Variants in ABCC9 observed in about 807,000 individuals in gnomAD.
The protein encoded by ABCC9 is ATP binding cassette subfamily C member 9, also known as ATP-binding cassette sub-family C member 9.
ABCC9 carries 95 observed loss-of-function variants against 188.3 expected under a neutral mutation model. The ratio of observed to expected loss-of-function variants is 0.50; its 90% CI spans 0.43 to 0.60. The LOEUF (loss-of-function observed/expected upper bound fraction) is 0.60. Among genes scored for constraint, ABCC9 ranks in the 20% least tolerant of loss-of-function variants. The pLI is 0.00. For synonymous variants in ABCC9, 659 were observed against 652.7 expected (o/e 1.01, Z -0.15); for missense variants, 1,102 against 1,876.3 (o/e 0.59, Z 7.62).
At chr12:21,887,528 G>C (rs1228300086) in intron 15 of ABCC9, among the ~76,000 whole-genome samples, 1 of 152,158 alleles carries the variant, frequency 6.6e-6, no homozygotes, top group Middle Eastern at 3.2e-3. Flanking sequence ...TGGTGCATGA[G>C]TAAGCTTATT....
intron 21 of ABCC9, among the ~76,000 whole-genome samples, chr12:21,860,005 A>T (rs1277932935): frequency 6.6e-6 from 1 of 152,172 alleles, no homozygotes; most frequent in Non-Finnish European, 1.5e-5. Flanking sequence ...AGTTTACTTA[A>T]CATACAACCC....
chr12:21,939,913 A>G (rs1036191948), intron 2 of ABCC9, among the ~76,000 whole-genome samples: 1 of 152,228 alleles, frequency 6.6e-6, no homozygotes, highest in Admixed American at 6.5e-5. Context: ...CTCGAAATGC[A>G]TTACATGAAA....
chr12:21,863,746 A>G (rs1490942935), intron 19 of ABCC9, among the ~76,000 whole-genome samples: 2 of 152,158 alleles, frequency 1.3e-5, no homozygotes, highest in African/African-American at 4.8e-5. Context: ...GCTGAAGAGA[A>G]TGATGGGAAG....
intron 15 of ABCC9, among the ~76,000 whole-genome samples, chr12:21,886,852 T>A (rs1426285161): frequency 6.6e-6 from 1 of 152,144 alleles, no homozygotes; most frequent in Non-Finnish European, 1.5e-5. Context: ...TGGAATGCTC[T>A]TTTCCCATAA....
intron 39 of ABCC9, among the ~76,000 whole-genome samples, chr12:21,801,527 C>A (rs1941430658): frequency 6.6e-6 from 1 of 152,132 alleles, no homozygotes; most frequent in Non-Finnish European, 1.5e-5. Flanking sequence ...TTGGGTTATA[C>A]TTTAATGTCA....
At chr12:21,930,179 T>A (rs1219627058) in intron 4 of ABCC9, among the ~76,000 whole-genome samples, 1 of 152,148 alleles carries the variant, frequency 6.6e-6, no homozygotes, top group Non-Finnish European at 1.5e-5. Context: ...TATGGCTGCA[T>A]AGTATTCCAT....
At chr12:21,854,715 GA>G (rs1390202995) in intron 22 of ABCC9, among the ~76,000 whole-genome samples, 1 of 151,826 alleles carries the variant, frequency 6.6e-6, no homozygotes, top group African/African-American at 2.4e-5. Context: ...TTAATAACAA[GA>G]AAAAAATATT....
rs558976706 is a variant in ABCC9 at position 21,823,854 on chromosome 12, C to T, written c.3669+5104G>A. Reference sequence around the variant, plus strand: ...CTTGGCACCCAGAGGAAAAACAGTCCGCTCTGCTGCCAAAGCAAGTCCGGT... The same window carrying T: ...CTTGGCACCCAGAGGAAAAACAGTCTGCTCTGCTGCCAAAGCAAGTCCGGT... On this transcript the variant is annotated intron_variant, in intron 31 of 39. Transcript: ENST00000261200. 2.5e-4 allele frequency among the ~76,000 whole-genome samples: 38 copies of T among 152,334 alleles called. 1 individual carries two copies. The South Asian group carries it at 6.8e-3, about 27-fold the overall frequency.
chr12:21,912,742 T>C (rs767619513), intron 8 of ABCC9, 130 bp downstream of exon 8: 189 of 887,080 alleles, frequency 2.1e-4, no homozygotes, highest in Non-Finnish European at 2.9e-4. Context: ...GTTTTCTTTC[T>C]TTTAGAAAGC....
At chr12:21,805,063 C>G in intron 39 of ABCC9, 16 of 1,496,526 alleles carry the variant, frequency 1.1e-5, no homozygotes, top group Non-Finnish European at 1.4e-5. Context: ...CAGTTAGTTC[C>G]CTCATCTCAG....
intron 12 of ABCC9, among the ~76,000 whole-genome samples, chr12:21,897,544 A>C (rs1947486612): frequency 6.6e-6 from 1 of 152,182 alleles, no homozygotes; most frequent in Non-Finnish European, 1.5e-5. Context: ...TTACAATCCT[A>C]CATGGTAGAT....
intron 14 of ABCC9, among the ~76,000 whole-genome samples, chr12:21,889,415 T>C (rs897306001): frequency 2.0e-5 from 3 of 152,206 alleles, no homozygotes; most frequent in African/African-American, 7.2e-5. Flanking sequence ...TCTGTTCTTA[T>C]GTTTTGAAAA....
intron 36 of ABCC9, among the ~76,000 whole-genome samples, chr12:21,811,281 C>T (rs1942220038): frequency 6.6e-6 from 1 of 152,166 alleles, no homozygotes; most frequent in Non-Finnish European, 1.5e-5. Context: ...CCATGAAGAG[C>T]TGGGAGTCAA....
At chr12:21,918,055 A>G (rs187229255) in intron 5 of ABCC9, among the ~76,000 whole-genome samples, 6 of 152,146 alleles carry the variant, frequency 3.9e-5, no homozygotes, top group African/African-American at 1.4e-4. Flanking sequence ...ACCAAATTAT[A>G]TGCTATCTAA....
intron 35 of ABCC9, among the ~76,000 whole-genome samples, chr12:21,813,096 C>T (rs1384652365): frequency 6.6e-6 from 1 of 151,978 alleles, no homozygotes; most frequent in East Asian, 1.9e-4. Context: ...TTTTTATTGT[C>T]TGTTCCCCAA....
intron 24 of ABCC9, among the ~76,000 whole-genome samples, chr12:21,851,367 G>A (rs985601978): frequency 2.0e-5 from 3 of 151,972 alleles, no homozygotes; most frequent in South Asian, 2.1e-4. Flanking sequence ...TAATTACACC[G>A]GATATGCACT....
intron 5 of ABCC9, among the ~76,000 whole-genome samples, chr12:21,921,970 A>G (rs935095674): frequency 2.0e-5 from 3 of 151,920 alleles, no homozygotes; most frequent in African/African-American, 7.2e-5. Flanking sequence ...TTTGATTACT[A>G]CAGCTTTGTA....
chr12:21,908,286 A>G, intron 10 of ABCC9, 75 bp from the exon 11 acceptor site: 2 of 1,518,912 alleles, frequency 1.3e-6, no homozygotes, highest in South Asian at 2.3e-5. Context: ...CATAATTTTT[A>G]GTGCAAATGT....
chr12:21,862,694 C>A (rs142075843), intron 20 of ABCC9, among the ~76,000 whole-genome samples: 3 of 152,254 alleles, frequency 2.0e-5, no homozygotes, highest in Admixed American at 6.5e-5. Context: ...CTCCCCACCC[C>A]ACACACATAC....
Sources: gnomAD v4.1 joint callset for allele counts (sites outside exome capture counted in the v4.1 genomes callset) on GRCh38, gnomAD v4.1.1 for gene constraint, MANE v1.5 for transcripts, NCBI Gene and HGNC (gene_info 2026-07-23, HGNC 2026-07-21) for gene names.